Variants in OSBPL10 observed in about 807,000 individuals in gnomAD.
OSBPL10 encodes oxysterol-binding protein-related protein 10.
A neutral mutation model predicts 81.7 loss-of-function variants in OSBPL10; 49 were observed. The ratio of observed to expected loss-of-function variants is 0.60; its 90% CI spans 0.48 to 0.76. The LOEUF is 0.76. Ranked by LOEUF, OSBPL10 falls within the 30% of genes least tolerant of loss-of-function variation. The pLI, the probability that OSBPL10 is intolerant of heterozygous loss-of-function variation, is 0.00. For synonymous variants in OSBPL10, 419 were observed against 383.6 expected, an observed-to-expected ratio of 1.09 and a Z score of -1.08; for missense variants, 923 against 987.8, an observed-to-expected ratio of 0.93 and a Z score of 0.88.
At chr3:31,766,783 T>C (rs1465343317) in intron 4 of OSBPL10, among the ~76,000 whole-genome samples, 2 of 152,174 alleles carry the variant, frequency 1.3e-5, no homozygotes, top group African/African-American at 2.4e-5. Flanking sequence ...ATGGAGCATT[T>C]CTCTAAACTT....
chr3:32,041,082 C>T (rs150883900), intron 2 of OSBPL10, among the ~76,000 whole-genome samples: 2,315 of 152,160 alleles, frequency 0.015, 25 homozygotes, highest in Non-Finnish European at 0.023. Context: ...GGCAGGTGCC[C>T]GCTTGGACAG....
At chr3:31,713,802 T>G (rs1299757974) in intron 6 of OSBPL10, 1 of 152,644 alleles carries the variant, frequency 6.6e-6, no homozygotes, top group Non-Finnish European at 1.5e-5. Context: ...CTTCCTCAGC[T>G]CTGCTTTTCC....
chr3:31,964,567 G>T (rs1158597227), intron 1 of OSBPL10, among the ~76,000 whole-genome samples: 2 of 152,144 alleles, frequency 1.3e-5, no homozygotes, highest in Admixed American at 1.3e-4. Flanking sequence ...ACTTGACGAG[G>T]TAAATAACAT....
At chr3:31,983,368 C>A (rs971954191), upstream of OSBPL10, among the ~76,000 whole-genome samples, 7 of 152,178 alleles carry the variant, frequency 4.6e-5, no homozygotes. Context: ...TATTACCTAA[C>A]CTATGCCACC....
chr3:31,684,214 C>T (rs1250311603), intron 7 of OSBPL10, 100 bp from the exon 8 acceptor site: 4 of 1,461,370 alleles, frequency 2.7e-6, no homozygotes, highest in East Asian at 2.3e-5. Flanking sequence ...AAATTCATAA[C>T]ATCTCCAGCC....
At chr3:31,750,772 T>C (rs953004612) in intron 4 of OSBPL10, among the ~76,000 whole-genome samples, 3 of 152,178 alleles carry the variant, frequency 2.0e-5, no homozygotes, top group Admixed American at 6.5e-5. Flanking sequence ...CTTAAGATTT[T>C]ATTCACCTTA....
At chr3:31,801,716 A>G (rs934067191) in intron 4 of OSBPL10, among the ~76,000 whole-genome samples, 5 of 152,220 alleles carry the variant, frequency 3.3e-5, no homozygotes, top group African/African-American at 1.2e-4. Context: ...AATGCCTTCA[A>G]CAGTATGCTG....
rs1011976413 is a variant in OSBPL10 at position 31,879,679 on chromosome 3, T to C, written c.433A>G (p.Asn145Asp). 1 of 1,613,806 alleles carries C rather than the reference T, an allele frequency of 6.2e-7. No individual in the cohort carries two copies. Among genetic ancestry groups the C allele is most frequent in the East Asian group, 2.2e-5 (1 of 44,878 alleles). ...CCTCTCAGTTTAAACATCTCTCCAT[T>C]AGCAGAGTACACCACCAGCATGTGG... is the stretch of plus-strand genomic sequence containing the variant. ...APHMLVVYSA[N>D]GEMFKLRAAD... Residue 145 changes from asparagine (N) to aspartate (D), a missense_variant, in exon 2 of 12, where the codon AAT (asparagine) becomes GAT (aspartate). By Grantham distance (23) the Asn-to-Asp change is conservative. Coordinates refer to ENST00000396556, the MANE Select transcript of OSBPL10 (RefSeq NM_017784.5).
rs938524541 is a variant in OSBPL10 at position 31,870,761 on chromosome 3, G to C, written c.537+5672C>G. Among the ~76,000 whole-genome samples, 8 of 152,238 alleles carry C rather than the reference G, an allele frequency of 5.3e-5. 1 individual carries two copies. The East Asian group carries it at 9.7e-4, about 18-fold the overall frequency. ...CTAGCTGCTCTGGTGGGGCCTTGGA[G>C]AACCTTTATGTCTAGCTCAGGGATT... On this transcript the variant is annotated intron_variant, in intron 3 of 11. Coordinates refer to ENST00000396556, the MANE Select transcript of OSBPL10 (RefSeq NM_017784.5).
chr3:31,828,620 G>T (rs908313504), intron 4 of OSBPL10, among the ~76,000 whole-genome samples: 1 of 152,090 alleles, frequency 6.6e-6, no homozygotes, highest in Middle Eastern at 3.2e-3. Context: ...GCAGCCTCCC[G>T]CTCCTAGGAT....
intron 3 of OSBPL10, among the ~76,000 whole-genome samples, chr3:31,854,332 A>G (rs982114765): frequency 9.9e-5 from 15 of 152,042 alleles, no homozygotes; most frequent in Non-Finnish European, 1.8e-4. Context: ...TGTTCTAACC[A>G]GTTCTCTGCA....
intron 1 of OSBPL10, among the ~76,000 whole-genome samples, chr3:31,941,942 C>A (rs1697543804): frequency 6.6e-6 from 1 of 152,198 alleles, no homozygotes; most frequent in Non-Finnish European, 1.5e-5. Context: ...TGCTGGTTAC[C>A]AGCAGGGCTT....
chr3:32,030,746 C>A, intron 2 of OSBPL10: 1 of 656,954 alleles, frequency 1.5e-6, no homozygotes, highest in Non-Finnish European at 2.7e-6. Flanking sequence ...AATTACTAAG[C>A]AAAACCCTTA....
At chr3:32,007,869 C>G (rs1699218794) in intron 2 of OSBPL10, among the ~76,000 whole-genome samples, 1 of 151,472 alleles carries the variant, frequency 6.6e-6, no homozygotes, top group Admixed American at 6.6e-5. Context: ...ACCACCCTGG[C>G]TAATTTTGTA....
chr3:31,730,767 G>A (rs995998909), intron 6 of OSBPL10, among the ~76,000 whole-genome samples: 4 of 152,194 alleles, frequency 2.6e-5, no homozygotes, highest in African/African-American at 9.7e-5. Flanking sequence ...GTTATTTTAT[G>A]GGAAGCCAGA....
chr3:31,799,793 C>G (rs1699332073), intron 4 of OSBPL10, among the ~76,000 whole-genome samples: 1 of 152,160 alleles, frequency 6.6e-6, no homozygotes, highest in Non-Finnish European at 1.5e-5. Context: ...AACATGAGAT[C>G]AACCCTCTTA....
At chr3:31,869,765 T>C (rs962571634) in intron 3 of OSBPL10, among the ~76,000 whole-genome samples, 5 of 152,214 alleles carry the variant, frequency 3.3e-5, no homozygotes, top group Middle Eastern at 6.3e-3. Flanking sequence ...TAGGTTCAGT[T>C]GGCCTCCATT....
At chr3:31,794,237 T>TG (rs1290759961) in intron 4 of OSBPL10, among the ~76,000 whole-genome samples, 3 of 152,210 alleles carry the variant, frequency 2.0e-5, no homozygotes, top group Non-Finnish European at 4.4e-5. Context: ...CTCTACCTCC[T>TG]GGGTTCAAGC....
chr3:31,919,234 A>C (rs770637154), intron 1 of OSBPL10, among the ~76,000 whole-genome samples: 41 of 152,332 alleles, frequency 2.7e-4, no homozygotes, highest in Non-Finnish European at 4.9e-4. Flanking sequence ...CTTTAGTATT[A>C]ATGTAAATAA....
Sources: gnomAD v4.1 joint callset for allele counts (sites outside exome capture counted in the v4.1 genomes callset) on GRCh38, gnomAD v4.1.1 for gene constraint, MANE v1.5 for transcripts, NCBI Gene and HGNC (gene_info 2026-07-23, HGNC 2026-07-21) for gene names.